The following GRM7 variants were observed in gnomAD, a reference collection of about 807,000 sequenced individuals.
The protein encoded by GRM7 is metabotropic glutamate receptor 7.
GRM7 carries 35 observed loss-of-function variants against 84.5 expected under a neutral mutation model. The ratio of observed to expected loss-of-function variants is 0.41; its 90% CI spans 0.32 to 0.55. The LOEUF is 0.55. Ranked by LOEUF, GRM7 falls within the 20% of genes least tolerant of loss-of-function variation. GRM7 has a pLI of 0.19. For missense variants in GRM7, 1,003 were observed against 1,194.6 expected, an observed-to-expected ratio of 0.84 and a Z score of 2.36; for synonymous variants, 487 against 455.1, an observed-to-expected ratio of 1.07 and a Z score of -0.89.
chr3:7,362,193 A>G (rs1693692836), intron 4 of GRM7, among the ~76,000 whole-genome samples: 2 of 152,066 alleles, frequency 1.3e-5, no homozygotes, highest in African/African-American at 4.8e-5. Flanking sequence ...TAACAGCGTA[A>G]TTAATGTACA....
At chr3:7,117,435 G>A (rs934560821) in intron 1 of GRM7, among the ~76,000 whole-genome samples, 1 of 152,142 alleles carries the variant, frequency 6.6e-6, no homozygotes, top group Non-Finnish European at 1.5e-5. Context: ...TAACCCACGT[G>A]TATCTCTGAA....
At chr3:7,564,050 A>G (rs1280459198) in intron 7 of GRM7, among the ~76,000 whole-genome samples, 2 of 152,168 alleles carry the variant, frequency 1.3e-5, no homozygotes, top group Non-Finnish European at 2.9e-5. Flanking sequence ...AAGACCCAAA[A>G]TCAGAGAGAG....
chr3:6,993,282 A>T (rs1034873313), intron 1 of GRM7, among the ~76,000 whole-genome samples: 2 of 152,190 alleles, frequency 1.3e-5, no homozygotes, highest in Non-Finnish European at 2.9e-5. Context: ...TGGGAACTAC[A>T]ATTCAAGATG....
intron 1 of GRM7, among the ~76,000 whole-genome samples, chr3:6,997,618 A>G (rs1356342572): frequency 6.6e-6 from 1 of 152,218 alleles, no homozygotes; most frequent in African/African-American, 2.4e-5. Flanking sequence ...GATTATGGGA[A>G]CTACAATTCA....
At chr3:7,346,061 A>C (rs1322320424) in intron 4 of GRM7, among the ~76,000 whole-genome samples, 1 of 152,150 alleles carries the variant, frequency 6.6e-6, no homozygotes, top group East Asian at 1.9e-4. Context: ...TAATTAAGCT[A>C]TTTATATACC....
intron 1 of GRM7, among the ~76,000 whole-genome samples, chr3:7,114,284 A>G (rs933814817): frequency 6.6e-6 from 1 of 152,194 alleles, no homozygotes; most frequent in Non-Finnish European, 1.5e-5. Context: ...GTTATTACAC[A>G]AATGCAACCC....
At chr3:7,735,676 A>T (rs892806496) in intron 9 of GRM7, among the ~76,000 whole-genome samples, 1 of 152,172 alleles carries the variant, frequency 6.6e-6, no homozygotes, top group African/African-American at 2.4e-5. Context: ...TTGTGGTAAC[A>T]TCCCACATAA....
intron 5 of GRM7, among the ~76,000 whole-genome samples, chr3:7,422,298 T>C (rs1040815108): frequency 7.2e-5 from 11 of 152,130 alleles, no homozygotes; most frequent in Non-Finnish European, 1.3e-4. Context: ...AAACAAATGA[T>C]CCCTTGCTTT....
intron 4 of GRM7, among the ~76,000 whole-genome samples, chr3:7,376,872 A>G (rs1694372584): frequency 6.6e-6 from 1 of 152,212 alleles, no homozygotes; most frequent in South Asian, 2.1e-4. Flanking sequence ...ACAATATGGG[A>G]TATTTGGCAG....
chr3:6,882,598 C>A (rs1316640314), intron 1 of GRM7, among the ~76,000 whole-genome samples: 2 of 152,102 alleles, frequency 1.3e-5, no homozygotes, highest in Admixed American at 1.3e-4. Flanking sequence ...ATCCCATTTC[C>A]AATAAATGAT....
chr3:7,545,548 C>T (rs1192179205), intron 7 of GRM7, among the ~76,000 whole-genome samples: 1 of 152,162 alleles, frequency 6.6e-6, no homozygotes, highest in African/African-American at 2.4e-5. Flanking sequence ...GCTTATTCAG[C>T]TTGTTTTTTA....
intron 7 of GRM7, among the ~76,000 whole-genome samples, chr3:7,536,914 CA>C (rs1240568230): frequency 6.6e-6 from 1 of 152,156 alleles, no homozygotes; most frequent in Non-Finnish European, 1.5e-5. Context: ...TGTTAAGTTA[CA>C]ACACTTGGGG....
chr3:7,602,002 T>A (rs1226431740), intron 8 of GRM7, among the ~76,000 whole-genome samples: 2 of 145,346 alleles, frequency 1.4e-5, no homozygotes, highest in Non-Finnish European at 3.0e-5. Context: ...AAGGGCGAAA[T>A]GTTGTGAAGA....
chr3:7,723,272 A>C (rs932156222), intron 9 of GRM7, among the ~76,000 whole-genome samples: 1 of 152,142 alleles, frequency 6.6e-6, no homozygotes, highest in African/African-American at 2.4e-5. Context: ...CTCATCTTCG[A>C]GATCCCTTTA....
At chr3:6,996,386 A>G (rs1406029354) in intron 1 of GRM7, among the ~76,000 whole-genome samples, 2 of 152,174 alleles carry the variant, frequency 1.3e-5, no homozygotes, top group African/African-American at 4.8e-5. Flanking sequence ...TTCAAAAACC[A>G]AAGTGAAGGA....
intron 1 of GRM7, among the ~76,000 whole-genome samples, chr3:7,029,056 T>C (rs1454111767): frequency 6.6e-6 from 1 of 151,996 alleles, no homozygotes; most frequent in Non-Finnish European, 1.5e-5. Flanking sequence ...ATAATCCCAG[T>C]ATTTTGGGAG....
At chr3:7,119,863 G>T (rs1218638148) in intron 1 of GRM7, among the ~76,000 whole-genome samples, 1 of 151,936 alleles carries the variant, frequency 6.6e-6, no homozygotes, top group Admixed American at 6.6e-5. Context: ...TAAAATTATG[G>T]GCGCTTCTGA....
chr3:7,260,592 TTTC>T (rs1201754499), intron 2 of GRM7, among the ~76,000 whole-genome samples: 5 of 152,094 alleles, frequency 3.3e-5, no homozygotes, highest in Admixed American at 6.6e-5. Context: ...TCTTTCCTGT[TTTC>T]TTCTTTATTA....
intron 4 of GRM7, among the ~76,000 whole-genome samples, chr3:7,364,691 G>T (rs1197627009): frequency 6.6e-6 from 1 of 151,682 alleles, no homozygotes; most frequent in South Asian, 2.1e-4. Flanking sequence ...ATTAAAAGTT[G>T]TTTGGTGTTA....
Sources: gnomAD v4.1 joint callset for allele counts (sites outside exome capture counted in the v4.1 genomes callset) on GRCh38, gnomAD v4.1.1 for gene constraint, MANE v1.5 for transcripts, NCBI Gene and HGNC (gene_info 2026-07-23, HGNC 2026-07-21) for gene names.